C14orf132: variants seen among roughly 807,000 people sequenced by gnomAD.
C14orf132 encodes the protein chromosome 14 open reading frame 132.
C14orf132 carries 6 observed loss-of-function variants against 5.8 expected under a neutral mutation model. That is an observed-to-expected ratio of 1.03 (90% confidence interval 0.57 to 2.04). The LOEUF (loss-of-function observed/expected upper bound fraction) is 2.04, where lower values mean the gene tolerates loss of function less well. Ranked by LOEUF, C14orf132 falls within the 30% of genes most tolerant of loss-of-function variation. The pLI is 0.00. For synonymous variants in C14orf132, 51 were observed against 49.8 expected, an observed-to-expected ratio of 1.02 and a Z score of -0.10; for missense variants, 125 against 115.8, an observed-to-expected ratio of 1.08 and a Z score of -0.37.
At chr14:96,051,371 A>G (rs1887020996) in intron 1 of C14orf132, 1 of 396,142 alleles carries the variant, frequency 2.5e-6, no homozygotes. Flanking sequence ...GGGTCCTAGG[A>G]AGCCTTGTTC....
At chr14:96,047,576 C>G (rs373490196) in intron 1 of C14orf132, among the ~76,000 whole-genome samples, 1 of 152,176 alleles carries the variant, frequency 6.6e-6, no homozygotes, top group East Asian at 1.9e-4. Flanking sequence ...CTGTGCTGAG[C>G]AACACACACA....
intron 1 of C14orf132, among the ~76,000 whole-genome samples, chr14:96,065,649 A>AC (rs200307039): frequency 0.022 from 3,233 of 148,212 alleles, 126 homozygotes; most frequent in African/African-American, 0.077. Flanking sequence ...TTCTAGCCTG[A>AC]CCCCCTCCAC....
chr14:96,063,246 T>C (rs1887417969), intron 1 of C14orf132, among the ~76,000 whole-genome samples: 1 of 152,122 alleles, frequency 6.6e-6, no homozygotes, highest in African/African-American at 2.4e-5. Flanking sequence ...GGAGGTTCCG[T>C]ATAAGAACTG....
At chr14:96,050,882 T>A (rs1887006958) in intron 1 of C14orf132, among the ~76,000 whole-genome samples, 1 of 152,206 alleles carries the variant, frequency 6.6e-6, no homozygotes, top group Non-Finnish European at 1.5e-5. Context: ...AGGGTAAATC[T>A]ATTCCCTATT....
chr14:96,074,261 A>T (rs1887793982), intron 1 of C14orf132, among the ~76,000 whole-genome samples: 1 of 152,224 alleles, frequency 6.6e-6, no homozygotes. Context: ...TATTCTACTT[A>T]TAAGTTCTTT....
chr14:96,052,641 C>T (rs1365217697), intron 1 of C14orf132, among the ~76,000 whole-genome samples: 1 of 152,204 alleles, frequency 6.6e-6, no homozygotes, highest in Non-Finnish European at 1.5e-5. Flanking sequence ...GGCACCTCCT[C>T]TTTGAGTCTG....
At chr14:96,079,678 C>A (rs1203000603) in intron 1 of C14orf132, among the ~76,000 whole-genome samples, 3 of 151,874 alleles carry the variant, frequency 2.0e-5, no homozygotes, top group Non-Finnish European at 4.4e-5. Flanking sequence ...CCACAGAGAC[C>A]CTGCGAGAAT....
At chr14:96,058,814 G>T (rs752768819) in intron 1 of C14orf132, among the ~76,000 whole-genome samples, 1 of 152,232 alleles carries the variant, frequency 6.6e-6, no homozygotes, top group Non-Finnish European at 1.5e-5. Flanking sequence ...CACTGGCAGG[G>T]CTGGGAACAG....
chr14:96,050,583 C>T (rs1178552616), intron 1 of C14orf132, among the ~76,000 whole-genome samples: 1 of 152,098 alleles, frequency 6.6e-6, no homozygotes, highest in East Asian at 1.9e-4. Flanking sequence ...CCAGGGTTCT[C>T]TCTGTGGGCG....
At position 96,039,479 on chromosome 14, in the gene C14orf132, G is replaced by C; in HGVS notation, c.-22G>C. The C allele has an allele frequency of 6.7e-7, 1 of 1,500,864 alleles. No homozygotes were observed. The highest frequency in any genetic ancestry group is 1.4e-5 in the African/African-American group (1 of 70,064). The allele number at this position is 1,500,864 out of a possible 1,614,324, so 93.0% of individuals were successfully genotyped here. On this transcript the variant is annotated 5_prime_UTR_variant, in exon 1 of 2. Transcript: ENST00000555004. This position sits in a 1 kb window ranked among gnomAD's most constrained non-coding sequence, Gnocchi z 5.3. The stretch of plus-strand genomic sequence containing the variant: ...GCGGCAGCGGCAGCAGCGAGGACTC[G>C]AGCGCTGGCTGCAGCGACACCATGG...
In C14orf132 at chr14:96,090,949, A is replaced by G. The variant is rs1188995308; in HGVS notation, c.*4214A>G. On this transcript the variant is annotated 3_prime_UTR_variant, in exon 2 of 2. Transcript: ENST00000555004. ...CATTATTAGCAGTAATATTATTCCC[A>G]GTTATTATTCTTACCGGTGCCAGTT... 4.4e-6 allele frequency: 2 copies of G among 455,950 alleles called. No individual in the cohort carries two copies. The highest frequency in any genetic ancestry group is 4.4e-6 in the Non-Finnish European group (1 of 226,806). 28.2% of individuals were successfully genotyped at this position (455,950 alleles called of 1,614,324 possible). A position where few individuals can be genotyped will look rare whatever the true frequency, so the allele number is the denominator to read the frequency against.
rs1480840578 is a variant in C14orf132, at chr14:96,093,422, C to G, written c.*6687C>G. 6.6e-6 allele frequency: 1 copy of G among 152,264 alleles called. No individual in the cohort carries two copies. Among genetic ancestry groups the G allele is most frequent in the Non-Finnish European group, 1.5e-5 (1 of 68,062 alleles). The allele number at this position is 152,264 out of a possible 1,614,324, so 9.4% of individuals were successfully genotyped here. ...GCTGGGTAGCAGCCTTTGAGCAAAT[C>G]TGCATCTTCTCTTATTTCTGACCTT... On this transcript the variant is annotated 3_prime_UTR_variant, in exon 2 of 2. Coordinates refer to ENST00000555004, the MANE Select transcript of C14orf132 (RefSeq NM_001252507.3).
At chr14:96,046,718 G>A (rs973004692) in intron 1 of C14orf132, among the ~76,000 whole-genome samples, 1 of 152,176 alleles carries the variant, frequency 6.6e-6, no homozygotes, top group African/African-American at 2.4e-5. Flanking sequence ...TACTACATGT[G>A]TATCTAATCA....
intron 1 of C14orf132, chr14:96,051,042 C>T (rs1380839948): frequency 7.6e-6 from 3 of 396,316 alleles, no homozygotes; most frequent in Admixed American, 4.4e-5. Context: ...CAGCTATGGG[C>T]CCCTGATCCA....
rs904716976 is a variant in C14orf132 at position 96,065,438 on chromosome 14, G to A, written c.28-21073G>A. Among the ~76,000 whole-genome samples, 28 of 152,150 alleles carry A rather than the reference G, an allele frequency of 1.8e-4. 1 individual carries two copies. The highest frequency in any genetic ancestry group is 3.4e-3 in the Middle Eastern group (1 of 294). On this transcript the variant is annotated intron_variant, in intron 1 of 1. Transcript: ENST00000555004. ...AAACCAAAAGGATCCACTTAGGGAG[G>A]TAAACATCCTGGGCTTGCCGTTGCC...
At chr14:96,064,393 CATAT>C (rs1555385090) in intron 1 of C14orf132, among the ~76,000 whole-genome samples, 1 of 146,334 alleles carries the variant, frequency 6.8e-6, no homozygotes. Flanking sequence ...CACACACACA[CATAT>C]ACATATATGT....
chr14:96,042,835 T>C (rs1886730472), intron 1 of C14orf132, among the ~76,000 whole-genome samples: 3 of 152,064 alleles, frequency 2.0e-5, no homozygotes, highest in African/African-American at 7.2e-5. Flanking sequence ...CCAGCCCCAC[T>C]CCACACAGTG....
At chr14:96,050,353 G>A (rs914057761) in intron 1 of C14orf132, among the ~76,000 whole-genome samples, 7 of 152,172 alleles carry the variant, frequency 4.6e-5, no homozygotes, top group African/African-American at 1.7e-4. Context: ...CCATCACAAA[G>A]GCAATGCTGT....
chr14:96,040,748 C>T lies in C14orf132; in HGVS notation c.27+1221C>T, dbSNP rs538930352. Among the ~76,000 whole-genome samples, 391 of 146,908 alleles carry T rather than the reference C, an allele frequency of 2.7e-3. 7 individuals carry two copies. The highest frequency in any genetic ancestry group is 8.1e-3 in the South Asian group (37 of 4,560). On this transcript the variant is annotated intron_variant, in intron 1 of 1. Coordinates refer to ENST00000555004, the MANE Select transcript of C14orf132 (RefSeq NM_001252507.3). ...ATTGCCCTTCTGAGTATCGCTGGCC[C>T]TTTTTTTTTTGCCTGATTTTACATC...
Sources: allele counts gnomAD v4.1 joint callset (sites outside exome capture counted in the v4.1 genomes callset), GRCh38; gene constraint gnomAD v4.1.1; non-coding constraint Gnocchi (gnomAD v3.1); transcripts MANE v1.5; gene names NCBI Gene and HGNC (gene_info 2026-07-23, HGNC 2026-07-21).